The following ARHGEF3 variants were observed in gnomAD, a reference collection of about 807,000 sequenced individuals.
ARHGEF3 encodes the protein Rho guanine nucleotide exchange factor 3.
A neutral mutation model predicts 63.2 loss-of-function variants in ARHGEF3; 28 were observed. The ratio of observed to expected loss-of-function variants is 0.44; its 90% CI spans 0.33 to 0.61. The LOEUF (loss-of-function observed/expected upper bound fraction) is 0.61. ARHGEF3 is among the 20% of genes least tolerant of loss of function. The probability of loss-of-function intolerance (pLI) is 0.03; values close to 1 mark genes in which losing one functional copy is unlikely to be tolerated. For missense variants in ARHGEF3, 533 were observed against 659.3 expected (o/e 0.81, Z 2.10); for synonymous variants, 266 against 254.2 (o/e 1.05, Z -0.44).
chr3:57,027,675 T>C (rs985812005), intron 2 of ARHGEF3, among the ~76,000 whole-genome samples: 2 of 152,022 alleles, frequency 1.3e-5, no homozygotes, highest in African/African-American at 2.4e-5. Flanking sequence ...GCCAACGTGG[T>C]GAAACCCTTT....
At chr3:56,809,081 C>T (rs1030804001) in intron 4 of ARHGEF3, among the ~76,000 whole-genome samples, 4 of 152,080 alleles carry the variant, frequency 2.6e-5, no homozygotes, top group Admixed American at 2.6e-4. Context: ...CTTGGTGGGG[C>T]AAAGAAGAAA....
At chr3:57,074,627 T>C (rs1387103624) in intron 1 of ARHGEF3, 3 of 225,302 alleles carry the variant, frequency 1.3e-5, no homozygotes, top group Non-Finnish European at 2.9e-5. Flanking sequence ...ATCCTATACA[T>C]TTTCATCTCT....
intron 2 of ARHGEF3, among the ~76,000 whole-genome samples, chr3:57,006,702 C>A (rs1027886186): frequency 6.6e-6 from 1 of 152,148 alleles, no homozygotes; most frequent in East Asian, 1.9e-4. Flanking sequence ...CACAACATCA[C>A]CAACACAGTC....
chr3:56,943,296 T>C (rs1253332202), intron 3 of ARHGEF3, among the ~76,000 whole-genome samples: 1 of 152,188 alleles, frequency 6.6e-6, no homozygotes, highest in African/African-American at 2.4e-5. Flanking sequence ...CATTGACCAT[T>C]CTGAAAATCC....
At chr3:57,054,643 A>AT (rs544195887) in intron 1 of ARHGEF3, among the ~76,000 whole-genome samples, 1,843 of 121,122 alleles carry the variant, frequency 0.015, 64 homozygotes, top group African/African-American at 0.047. Flanking sequence ...CATCTCAAAA[A>AT]TTTTTTTTTT....
chr3:56,807,975 T>C (rs1385048215), intron 4 of ARHGEF3, among the ~76,000 whole-genome samples: 1 of 152,036 alleles, frequency 6.6e-6, no homozygotes, highest in African/African-American at 2.4e-5. Context: ...AATACGAAAA[T>C]TAGCCAGGCA....
intron 3 of ARHGEF3, among the ~76,000 whole-genome samples, chr3:56,927,725 G>A (rs1272089274): frequency 1.3e-5 from 2 of 152,066 alleles, no homozygotes; most frequent in Non-Finnish European, 2.9e-5. Context: ...AGGTGGTACC[G>A]CATATGAGCT....
intron 2 of ARHGEF3, among the ~76,000 whole-genome samples, chr3:57,031,670 A>C (rs973959068): frequency 5.9e-5 from 9 of 152,166 alleles, no homozygotes; most frequent in African/African-American, 7.2e-5. Context: ...ATGAACAATC[A>C]ATTAATCGTT....
At chr3:56,901,097 C>CA (rs1385454247) in intron 3 of ARHGEF3, among the ~76,000 whole-genome samples, 1 of 152,174 alleles carries the variant, frequency 6.6e-6, no homozygotes, top group Non-Finnish European at 1.5e-5. Context: ...CACTTTGTCT[C>CA]AAAATCACCA....
intron 7 of ARHGEF3, among the ~76,000 whole-genome samples, chr3:56,744,224 C>G (rs2034232981): frequency 6.6e-6 from 1 of 152,054 alleles, no homozygotes; most frequent in South Asian, 2.1e-4. Flanking sequence ...TCCCCGTGGC[C>G]TGCCATCTGC....
intron 4 of ARHGEF3, among the ~76,000 whole-genome samples, chr3:56,848,627 G>A (rs78463215): frequency 0.043 from 6,497 of 152,206 alleles, 186 homozygotes; most frequent in Non-Finnish European, 0.07. Flanking sequence ...CATATACACC[G>A]TTGAACAATG....
At chr3:57,021,595 T>C (rs1228808131) in intron 2 of ARHGEF3, among the ~76,000 whole-genome samples, 3 of 151,752 alleles carry the variant, frequency 2.0e-5, no homozygotes, top group African/African-American at 7.3e-5. Context: ...TCTACTAAAA[T>C]ACAAAAAATT....
At chr3:56,792,128 GAAAAGAAAAGAAAAGAAAAT>G (rs1380476322) in intron 1 of ARHGEF3, among the ~76,000 whole-genome samples, 2 of 142,644 alleles carry the variant, frequency 1.4e-5, no homozygotes, top group African/African-American at 5.4e-5. Context: ...GAAAAGAAAA[GAAAAGAAAAGAAAAGAAAAT>G]AACTGACTAC....
At chr3:56,991,649 C>G (rs1701750155) in intron 2 of ARHGEF3, among the ~76,000 whole-genome samples, 1 of 152,206 alleles carries the variant, frequency 6.6e-6, no homozygotes, top group Admixed American at 6.5e-5. Context: ...GGGTCTCGCT[C>G]TGTCGCCCAG....
At chr3:56,871,221 C>G (rs1212974002) in intron 4 of ARHGEF3, among the ~76,000 whole-genome samples, 1 of 152,188 alleles carries the variant, frequency 6.6e-6, no homozygotes, top group East Asian at 1.9e-4. Flanking sequence ...TTAAAATATT[C>G]ACTTTATATT....
chr3:56,989,800 C>A (rs986381035), intron 2 of ARHGEF3, among the ~76,000 whole-genome samples: 1 of 152,204 alleles, frequency 6.6e-6, no homozygotes, highest in African/African-American at 2.4e-5. Context: ...ACTTTACGCA[C>A]GGGAGCCAAC....
intron 3 of ARHGEF3, chr3:56,916,197 A>G (rs2041983366): frequency 1.5e-6 from 2 of 1,351,530 alleles, no homozygotes; most frequent in Non-Finnish European, 2.0e-6. Flanking sequence ...AGTTTCTTGG[A>G]AGGTAAAGAG....
intron 3 of ARHGEF3, among the ~76,000 whole-genome samples, chr3:56,905,767 T>C (rs2041664703): frequency 1.3e-5 from 2 of 152,266 alleles, no homozygotes; most frequent in Non-Finnish European, 2.9e-5. Flanking sequence ...TGAGAAATGA[T>C]ACCCTGGTCA....
chr3:57,048,732 T>C (rs1041011786), intron 1 of ARHGEF3, among the ~76,000 whole-genome samples: 5 of 152,144 alleles, frequency 3.3e-5, no homozygotes, highest in African/African-American at 1.2e-4. Flanking sequence ...ATAAACCTAC[T>C]TGACCTTGTG....
Sources: allele counts gnomAD v4.1 joint callset (sites outside exome capture counted in the v4.1 genomes callset), GRCh38; gene constraint gnomAD v4.1.1; transcripts MANE v1.5; gene names NCBI Gene and HGNC (gene_info 2026-07-23, HGNC 2026-07-21).